FAM178B: variants seen among roughly 807,000 people sequenced by gnomAD.
FAM178B encodes the protein protein FAM178B.
Under a neutral mutation model 91.7 loss-of-function variants are expected in FAM178B, and 82 were observed. That is an observed-to-expected ratio of 0.89 (90% confidence interval 0.75 to 1.07). The LOEUF is 1.07. Among genes scored for constraint, FAM178B ranks in the 50% least tolerant of loss-of-function variants. FAM178B has a pLI of 0.00. For synonymous variants in FAM178B, 368 were observed against 359.4 expected, an observed-to-expected ratio of 1.02 and a Z score of -0.27; for missense variants, 769 against 846.7, an observed-to-expected ratio of 0.91 and a Z score of 1.14.
intron 8 of FAM178B, among the ~76,000 whole-genome samples, chr2:96,947,455 CCTCT>C (rs2081848753): frequency 6.6e-6 from 1 of 152,126 alleles, no homozygotes; most frequent in African/African-American, 2.4e-5. Context: ...TTCCTGGAAC[CCTCT>C]CAAGCTAACC....
At chr2:96,902,834 G>T (rs2080959649) in intron 12 of FAM178B, 127 bp from the exon 13 acceptor site, 6 of 662,944 alleles carry the variant, frequency 9.1e-6, no homozygotes, top group African/African-American at 1.8e-5. Context: ...CCAGCAAAGG[G>T]CTTTCTCCAT....
At chr2:96,913,933 C>T (rs748812913) in intron 12 of FAM178B, among the ~76,000 whole-genome samples, 40 of 152,228 alleles carry the variant, frequency 2.6e-4, no homozygotes, top group Non-Finnish European at 3.5e-4. Flanking sequence ...GCGAGGAAGA[C>T]GCCTCCTCAA....
Position 96,949,647 on chromosome 2 carries a change from T to A in FAM178B, c.993+1732A>T, listed in dbSNP as rs76103233. ...AGTCCCCAGTAACTGCTCGAGGTTC[T>A]AAGTCCCCTGAGGACACTGCCCAGA... On this transcript the variant is annotated intron_variant, in intron 7 of 16. Transcript: ENST00000490605. Among the ~76,000 whole-genome samples, 1,415 of 152,320 alleles carry A rather than the reference T, an allele frequency of 9.3e-3. 25 individuals carry two copies. Among genetic ancestry groups the A allele is most frequent in the African/African-American group, 0.032 (1,317 of 41,568 alleles).
At chr2:96,970,139 AG>A (rs1403669614) in intron 4 of FAM178B, among the ~76,000 whole-genome samples, 4 of 152,208 alleles carry the variant, frequency 2.6e-5, no homozygotes, top group African/African-American at 9.6e-5. Context: ...GCACCTCCCT[AG>A]GGATTTCCAA....
rs375109556 is a variant in FAM178B at position 96,910,715 on chromosome 2, T to C, written c.1563-8008A>G. Among the ~76,000 whole-genome samples the C allele has an allele frequency of 6.6e-5, 10 of 152,214 alleles. No individual in the cohort carries two copies. In the East Asian group the frequency reaches 1.5e-3, roughly 24 times the overall value. On this transcript the variant is annotated intron_variant, in intron 12 of 16. Coordinates refer to ENST00000490605, the MANE Select transcript of FAM178B (RefSeq NM_001122646.3). ...TGCAGCCTTTAATGCTTCCCTTCTT[T>C]TCCTCACTGGGCTCCTTTGTAATCC...
chr2:96,893,410 T>C (rs975909135), intron 14 of FAM178B, among the ~76,000 whole-genome samples: 3 of 152,006 alleles, frequency 2.0e-5, no homozygotes, highest in Non-Finnish European at 2.9e-5. Flanking sequence ...TCAGGAAAGC[T>C]GGGCAATGTC....
chr2:96,878,354 C>G (rs990571212), intron 15 of FAM178B, 62 bp downstream of exon 15: 33 of 1,512,862 alleles, frequency 2.2e-5, no homozygotes, highest in East Asian at 1.1e-4. Flanking sequence ...CAACCCCCGC[C>G]GCTTGGGGGA....
Position 96,951,431 on chromosome 2 carries a change from A to T in FAM178B, c.941T>A (p.Leu314His). Residue 314 changes from leucine (L) to histidine (H), a missense_variant, in exon 7 of 17, where the codon CTC becomes CAC. Transcript: ENST00000490605. ...SFLRSGLLNILYLHMPDCPVS... is the reference protein window; with the variant it reads ...SFLRSGLLNIHYLHMPDCPVS... The stretch of plus-strand genomic sequence containing the variant: ...CGGGCAGTCAGGCATGTGCAGGTAG[A>T]GGATGTTCAGGAGGCCACTGCGCAG... 6.4e-7 allele frequency: 1 copy of T among 1,551,618 alleles called. No individual in the cohort carries two copies. The highest frequency in any genetic ancestry group is 8.7e-7 in the Non-Finnish European group (1 of 1,146,946).
Position 96,910,797 on chromosome 2 carries a change from ATTTTTT to A in FAM178B, c.1563-8096_1563-8091del, listed in dbSNP as rs200071141. Among the ~76,000 whole-genome samples, 317 of 136,220 alleles carry A rather than the reference ATTTTTT, an allele frequency of 2.3e-3. 13 individuals are homozygous for A. In the East Asian group the frequency reaches 0.042, roughly 18 times the overall value. The allele number at this position is 136,220 out of a possible 152,430, so 89.4% of individuals were successfully genotyped here. ...CCCACCTGAGACATCTCTCTTCTTA[ATTTTTT>A]TTTTTTTTTTTTTGAGACAGTCTTG... On this transcript the variant is annotated intron_variant, in intron 12 of 16. Transcript: ENST00000490605.
intron 8 of FAM178B, among the ~76,000 whole-genome samples, chr2:96,930,159 T>TGCACTCCA (rs915506574): frequency 3.2e-5 from 4 of 126,730 alleles, no homozygotes; most frequent in Admixed American, 3.1e-4. Flanking sequence ...ATAGAGCCAC[T>TGCACTCCA]GCACTCCAGC....
chr2:96,884,382 C>A (rs2080464952), intron 14 of FAM178B, among the ~76,000 whole-genome samples: 1 of 152,226 alleles, frequency 6.6e-6, no homozygotes, highest in Non-Finnish European at 1.5e-5. Context: ...CAGCAAGGGT[C>A]CACGGGCCTC....
chr2:96,945,416 G>A (rs1484204405), intron 8 of FAM178B, among the ~76,000 whole-genome samples: 3 of 152,080 alleles, frequency 2.0e-5, no homozygotes. Flanking sequence ...AGGCAAGTGC[G>A]TAAGAATCTC....
At position 96,952,343 on chromosome 2, in the gene FAM178B, A is replaced by G. The variant is rs541749011; in HGVS notation, c.888-859T>C. On this transcript the variant is annotated intron_variant, in intron 6 of 16. Coordinates refer to ENST00000490605, the MANE Select transcript of FAM178B (RefSeq NM_001122646.3). ...AGGAAATACCAAACAAGAGTTCCAT[A>G]GAGGATTCTTCAGAAACCATGTGAG... Among the ~76,000 whole-genome samples the G allele has an allele frequency of 2.0e-5, 3 of 152,308 alleles. No homozygotes were observed. In the South Asian group the frequency reaches 6.2e-4, roughly 32 times the overall value.
intron 8 of FAM178B, among the ~76,000 whole-genome samples, chr2:96,946,624 G>A (rs1559089332): frequency 6.6e-6 from 1 of 152,248 alleles, no homozygotes. Flanking sequence ...TTCCTAATGG[G>A]GAGCGCATCA....
Position 96,974,088 on chromosome 2 carries a change from T to C in FAM178B, c.74-1482A>G, listed in dbSNP as rs558856823. 4.6e-5 allele frequency among the ~76,000 whole-genome samples: 7 copies of C among 151,448 alleles called. No homozygotes were observed. In the East Asian group the frequency reaches 1.4e-3, roughly 29 times the overall value. On this transcript the variant is annotated intron_variant, in intron 1 of 16. Transcript: ENST00000490605. Reference sequence around the variant, plus strand: ...AATCACTAAGGAAATAACTTAAAAATATACAGAAAAGGGGCTGGGCGCAGT... The same window carrying C: ...AATCACTAAGGAAATAACTTAAAAACATACAGAAAAGGGGCTGGGCGCAGT...
chr2:96,922,732 T>G (rs2081363489), intron 10 of FAM178B, among the ~76,000 whole-genome samples: 1 of 152,082 alleles, frequency 6.6e-6, no homozygotes, highest in African/African-American at 2.4e-5. Context: ...GAGATGGAGT[T>G]TCTCTCTTGT....
chr2:96,950,248 G>C (rs960915287), intron 7 of FAM178B: 25 of 870,486 alleles, frequency 2.9e-5, no homozygotes, highest in Admixed American at 6.2e-5. Flanking sequence ...AAGGAGCAGG[G>C]GCTGCACCGC....
chr2:96,957,569 G>A (rs2082016840), intron 6 of FAM178B, among the ~76,000 whole-genome samples: 1 of 152,176 alleles, frequency 6.6e-6, no homozygotes, highest in South Asian at 2.1e-4. Context: ...CCAGGTCACC[G>A]CTCCATGGGC....
intron 8 of FAM178B, among the ~76,000 whole-genome samples, chr2:96,936,315 C>A (rs975968170): frequency 6.6e-6 from 1 of 152,088 alleles, no homozygotes; most frequent in Non-Finnish European, 1.5e-5. Flanking sequence ...CATTCTCCTG[C>A]CTCAGCCTCC....
Sources: allele counts gnomAD v4.1 joint callset (sites outside exome capture counted in the v4.1 genomes callset), GRCh38; gene constraint gnomAD v4.1.1; transcripts MANE v1.5; gene names NCBI Gene and HGNC (gene_info 2026-07-23, HGNC 2026-07-21).